SMARCC2: variants seen among roughly 807,000 people sequenced by gnomAD.
SMARCC2 encodes the protein SWI/SNF complex subunit SMARCC2.
Under a neutral mutation model 151.3 loss-of-function variants are expected in SMARCC2, and 15 were observed. The observed-to-expected ratio is 0.10, with a 90% confidence interval of 0.07 to 0.15. The LOEUF is 0.15. Among genes scored for constraint, SMARCC2 ranks in the 10% least tolerant of loss-of-function variants. The probability of loss-of-function intolerance (pLI) is 1.00; values close to 1 mark genes in which losing one functional copy is unlikely to be tolerated. For synonymous variants in SMARCC2, 590 were observed against 609.5 expected, an observed-to-expected ratio of 0.97 and a Z score of 0.47; for missense variants, 1,031 against 1,599.7, an observed-to-expected ratio of 0.64 and a Z score of 6.06.
rs779620023 is a variant in SMARCC2 at position 56,165,376 on chromosome 12, T to A, written c.3174A>T (p.Pro1058=). The A allele has an allele frequency of 2.7e-6, 4 of 1,505,090 alleles. No homozygotes were observed. In the Admixed American group the frequency reaches 9.5e-5, roughly 36 times the overall value. The allele number at this position is 1,505,090 out of a possible 1,614,324, so 93.2% of individuals were successfully genotyped here. A position where few individuals can be genotyped will look rare whatever the true frequency, so the allele number is the denominator to read the frequency against. Residue 1058 remains proline, a synonymous_variant, in exon 27 of 29, where the codon CCA becomes CCT. Coordinates refer to ENST00000550164, the MANE Select transcript of SMARCC2 (RefSeq NM_001330288.2). ...CTGCCCCAGGCTGGGGGGCTCCAGC[T>A]GGTTGCTGCTGCTGTGGCCCTGCAG... ...GSTAGPQQQQ[P]AGAPQPGAVP...
At position 56,187,262 on chromosome 12, in the gene SMARCC2, C is replaced by T. The variant is rs1307516455; in HGVS notation, c.156G>A (p.Leu52=). ...EPPTNKSLSS[L]VVQLLQFQEE... is the part of the protein sequence containing the mutation. ...CCTGAAATTGTAGCAACTGTACAACCAGGCTAGACAGGGACTTGTTGGTGG... is the reference window on the plus strand; with the variant it reads ...CCTGAAATTGTAGCAACTGTACAACTAGGCTAGACAGGGACTTGTTGGTGG... Residue 52 remains leucine (L), a synonymous_variant, in exon 2 of 29, where the codon CTG becomes CTA. Transcript: ENST00000550164. The T allele has an allele frequency of 1.2e-5, 19 of 1,613,790 alleles. No individual in the cohort carries two copies. The highest frequency in any genetic ancestry group is 1.6e-5 in the Non-Finnish European group (19 of 1,179,752).
chr12:56,184,211 G>A lies in SMARCC2; in HGVS notation c.526C>T (p.His176Tyr). 6.2e-7 allele frequency: 1 copy of A among 1,613,592 alleles called. No homozygotes were observed. The highest frequency in any genetic ancestry group is 8.5e-7 in the Non-Finnish European group (1 of 1,179,632). ...TVTEDKNNAS[H>Y]VVYPVPGNLE... The stretch of plus-strand genomic sequence containing the variant: ...TTCCCCGGGACAGGATACACAACAT[G>A]GGAGGCATTGTTCTTATCCTCAGTG... The change falls in exon 6 of 29, where the codon CAT becomes TAT. Residue 176 changes from histidine to tyrosine, a missense_variant. Coordinates refer to ENST00000550164, the MANE Select transcript of SMARCC2 (RefSeq NM_001330288.2).
At chr12:56,183,998 A>C in intron 6 of SMARCC2, 68 bp from the exon 7 acceptor site, 1 of 1,244,322 alleles carries the variant, frequency 8.0e-7, no homozygotes, top group Non-Finnish European at 1.2e-6. Flanking sequence ...ACTGTACAAA[A>C]GCCCTAACTA....
intron 1 of SMARCC2, among the ~76,000 whole-genome samples, chr12:56,188,461 G>C (rs556332886): frequency 6.6e-6 from 1 of 152,298 alleles, no homozygotes; most frequent in South Asian, 2.1e-4. Context: ...CCCTCTCTGA[G>C]GGTAGTGAGA....
intron 1 of SMARCC2, among the ~76,000 whole-genome samples, chr12:56,189,069 G>A (rs1394951007): frequency 2.0e-5 from 3 of 151,830 alleles, no homozygotes; most frequent in Non-Finnish European, 4.4e-5. Flanking sequence ...ATGGCTGAGG[G>A]GAAGGTGGGC....
intron 25 of SMARCC2, among the ~76,000 whole-genome samples, chr12:56,168,586 C>A (rs370998954): frequency 5.9e-5 from 9 of 152,012 alleles, no homozygotes; most frequent in African/African-American, 2.2e-4. Context: ...GTTGGCCAGG[C>A]TGGTCTCAAA....
At chr12:56,182,115 G>A (rs377056627) in intron 7 of SMARCC2, 36 bp from the exon 8 acceptor site, 21 of 1,455,592 alleles carry the variant, frequency 1.4e-5, no homozygotes, top group Non-Finnish European at 1.9e-5. Flanking sequence ...TAGAATCAAT[G>A]GGATAGAATT....
chr12:56,189,011 C>A (rs1877826886), intron 1 of SMARCC2, among the ~76,000 whole-genome samples: 1 of 152,060 alleles, frequency 6.6e-6, no homozygotes, highest in African/African-American at 2.4e-5. Flanking sequence ...CATTGGGCAC[C>A]CGGTCCACAC....
At chr12:56,166,686 C>T (rs1046873816) in intron 26 of SMARCC2, among the ~76,000 whole-genome samples, 23 of 151,202 alleles carry the variant, frequency 1.5e-4, no homozygotes, top group Non-Finnish European at 2.9e-4. Flanking sequence ...ACCTCCTGGG[C>T]TCAAACGATC....
chr12:56,173,926 G>C (rs1018122733), intron 16 of SMARCC2, 77 bp from the exon 17 acceptor site: 7 of 1,399,476 alleles, frequency 5.0e-6, no homozygotes, highest in Non-Finnish European at 6.9e-6. Context: ...GTGGGGGGTA[G>C]AAGGGGCATA....
At chr12:56,188,525 A>C (rs1042456283) in intron 1 of SMARCC2, among the ~76,000 whole-genome samples, 1 of 152,206 alleles carries the variant, frequency 6.6e-6, no homozygotes, top group Non-Finnish European at 1.5e-5. Flanking sequence ...CAAAGACGAC[A>C]CCAGGAAGAG....
intron 8 of SMARCC2, 60 bp from the exon 9 acceptor site, chr12:56,181,895 GA>G: frequency 6.2e-7 from 1 of 1,609,520 alleles, no homozygotes; most frequent in South Asian, 1.1e-5. Flanking sequence ...TCTGTCTGGG[GA>G]CCCTTAACAG....
In SMARCC2 at chr12:56,165,444, C is replaced by T; in HGVS notation, c.3106G>A (p.Gly1036Arg). The T allele has an allele frequency of 6.5e-7, 1 of 1,534,652 alleles. No homozygotes were observed. Among genetic ancestry groups the T allele is most frequent in the African/African-American group, 1.4e-5 (1 of 72,594 alleles). The change falls in exon 27 of 29, where the codon GGA becomes AGA. Residue 1036 changes from glycine (G) to arginine (R), a missense_variant. By Grantham distance (125) the Gly-to-Arg change is moderately radical. Around this residue, in one of 12 missense-constraint regions of SMARCC2, gnomAD observed 310 missense variants for 350.0 expected, o/e 0.89. Coordinates refer to ENST00000550164, the MANE Select transcript of SMARCC2 (RefSeq NM_001330288.2). ...PAPAGSGAPP[G>R]SLGPSEQIGQ... is the part of the protein sequence containing the mutation. ...ATCTGTTCAGAAGGGCCCAAACTTCCTGGAGGGGCCCCACTGCCAGCAGGA... is the reference window on the plus strand; with the variant it reads ...ATCTGTTCAGAAGGGCCCAAACTTCTTGGAGGGGCCCCACTGCCAGCAGGA...
Position 56,185,127 on chromosome 12 carries a change from T to G in SMARCC2, c.318-16A>C, listed in dbSNP as rs984298558. 1.2e-6 allele frequency: 2 copies of G among 1,608,092 alleles called. No individual in the cohort carries two copies. Among genetic ancestry groups the G allele is most frequent in the Non-Finnish European group, 1.7e-6 (2 of 1,174,862 alleles). ...GTAACGCCGCCTTGTGAAGAGGCAA[T>G]AATCTAGTGAGTGGTATAGCTCAGG... On this transcript the variant is annotated splice_polypyrimidine_tract_variant and intron_variant, in intron 3 of 28. Coordinates refer to ENST00000550164, the MANE Select transcript of SMARCC2 (RefSeq NM_001330288.2).
chr12:56,185,540 G>A (rs551696827), intron 3 of SMARCC2: 14 of 187,234 alleles, frequency 7.5e-5, no homozygotes, highest in South Asian at 5.7e-4. Flanking sequence ...GTGCACTGGC[G>A]CGATCTTGGC....
intron 11 of SMARCC2, among the ~76,000 whole-genome samples, chr12:56,179,767 A>G (rs1036847187): frequency 1.3e-5 from 2 of 151,930 alleles, no homozygotes; most frequent in African/African-American, 4.8e-5. Flanking sequence ...GCTCACTGCA[A>G]CCTCCACCTC....
chr12:56,174,715 G>T lies in SMARCC2; in HGVS notation c.1432C>A (p.Gln478Lys). Residue 478 changes from glutamine to lysine, a missense_variant, in exon 16 of 29, where the codon CAA becomes AAA. Gln to Lys is a moderately conservative substitution (Grantham distance 53, BLOSUM62 1). Around this residue, in one of 12 missense-constraint regions of SMARCC2, gnomAD observed 51 missense variants for 135.1 expected, o/e 0.38. Coordinates refer to ENST00000550164, the MANE Select transcript of SMARCC2 (RefSeq NM_001330288.2). ...CAGGCGGTAGAGGTAAGATACTCTT[G>T]GGGGTTCAGTCGGTAAGTGTCAATC... is the stretch of plus-strand genomic sequence containing the variant. ...FMIDTYRLNPQEYLTSTACRR... is the reference protein window; with the variant it reads ...FMIDTYRLNPKEYLTSTACRR... 1 of 1,614,022 alleles carries T rather than the reference G, an allele frequency of 6.2e-7. No homozygotes were observed. The highest frequency in any genetic ancestry group is 8.5e-7 in the Non-Finnish European group (1 of 1,179,958).
intron 22 of SMARCC2, among the ~76,000 whole-genome samples, chr12:56,170,428 G>GT (rs1183281153): frequency 2.0e-5 from 3 of 150,698 alleles, no homozygotes; most frequent in African/African-American, 7.3e-5. Context: ...GTTTTTTTTT[G>GT]TTTTTTGTTT....
In SMARCC2 at chr12:56,178,087, A is replaced by G. The variant is rs780091973; in HGVS notation, c.1317T>C (p.His439=). ...CGGGGAGAGCCCTCCGCTCAATGGC[A>G]TGAACACTGCAAGAAAAGCCAGAAT... ...YAAWFDYNSV[H]AIERRALPEF... Residue 439 remains histidine, a synonymous_variant, in exon 15 of 29, where the codon CAT becomes CAC. Coordinates refer to ENST00000550164, the MANE Select transcript of SMARCC2 (RefSeq NM_001330288.2). 3.1e-6 allele frequency: 5 copies of G among 1,613,084 alleles called. No homozygotes were observed. In the Admixed American group the frequency reaches 5.0e-5, roughly 16 times the overall value.
Sources: gnomAD v4.1 joint callset for allele counts (sites outside exome capture counted in the v4.1 genomes callset) on GRCh38, gnomAD v4.1.1 for gene constraint, gnomAD v4.1.1 regional missense constraint, MANE v1.5 for transcripts, NCBI Gene and HGNC (gene_info 2026-07-23, HGNC 2026-07-21) for gene names.